Variants in EXOC6B observed in about 807,000 individuals in gnomAD.
EXOC6B encodes the protein SEC15 homolog B.
A neutral mutation model predicts 113.5 loss-of-function variants in EXOC6B; 54 were observed. The observed-to-expected ratio is 0.48, with a 90% confidence interval of 0.38 to 0.60. EXOC6B has a LOEUF of 0.60. Among genes scored for constraint, EXOC6B ranks in the 20% least tolerant of loss-of-function variants. The probability of loss-of-function intolerance (pLI) is 0.00; values close to 1 mark genes in which losing one functional copy is unlikely to be tolerated. For synonymous variants in EXOC6B, 357 were observed against 339.0 expected, an observed-to-expected ratio of 1.05 and a Z score of -0.58; for missense variants, 797 against 977.5, an observed-to-expected ratio of 0.82 and a Z score of 2.46.
rs931682669 is a variant in EXOC6B at position 72,530,542 on chromosome 2, G to A, written c.916-15416C>T. 3.3e-5 allele frequency among the ~76,000 whole-genome samples: 5 copies of A among 152,110 alleles called. No individual in the cohort carries two copies. In the East Asian group the frequency reaches 9.6e-4, roughly 29 times the overall value. ...TGTTTTATGAGTGCTTGAAAAGGATGAGTATTCTACTGATGTTATGTACAG... is the reference window on the plus strand; with the variant it reads ...TGTTTTATGAGTGCTTGAAAAGGATAAGTATTCTACTGATGTTATGTACAG... On this transcript the variant is annotated intron_variant, in intron 8 of 21. Transcript: ENST00000272427.
chr2:72,401,269 C>T (rs1292513383), intron 18 of EXOC6B, among the ~76,000 whole-genome samples: 1 of 150,270 alleles, frequency 6.7e-6, no homozygotes, highest in Non-Finnish European at 1.5e-5. Context: ...TAAGACCAGC[C>T]TGGCCAGTGT....
chr2:72,772,897 C>G (rs1161893819), intron 1 of EXOC6B, among the ~76,000 whole-genome samples: 1 of 151,862 alleles, frequency 6.6e-6, no homozygotes, highest in African/African-American at 2.4e-5. Flanking sequence ...CCATAATCCC[C>G]CCACCCAAGG....
At chr2:72,313,027 T>C (rs1687298325) in intron 20 of EXOC6B, among the ~76,000 whole-genome samples, 1 of 152,158 alleles carries the variant, frequency 6.6e-6, no homozygotes, top group Non-Finnish European at 1.5e-5. Flanking sequence ...TCAGCCACTT[T>C]ATTCTGGTGT....
chr2:72,601,442 C>T (rs1050442565), intron 6 of EXOC6B, among the ~76,000 whole-genome samples: 1 of 152,098 alleles, frequency 6.6e-6, no homozygotes, highest in Non-Finnish European at 1.5e-5. Context: ...GCCTTGGCCT[C>T]CCAAAGTGCT....
At chr2:72,699,908 T>C (rs1362832577) in intron 6 of EXOC6B, among the ~76,000 whole-genome samples, 1 of 152,078 alleles carries the variant, frequency 6.6e-6, no homozygotes, top group African/African-American at 2.4e-5. Flanking sequence ...TCCCTCAGTA[T>C]CCACAAGAGA....
chr2:72,331,999 T>C (rs1261421641), intron 20 of EXOC6B, among the ~76,000 whole-genome samples: 1 of 152,104 alleles, frequency 6.6e-6, no homozygotes, highest in Non-Finnish European at 1.5e-5. Flanking sequence ...TTTAAAATTA[T>C]TCATTAAATT....
At chr2:72,786,771 C>T (rs995589948) in intron 1 of EXOC6B, among the ~76,000 whole-genome samples, 2 of 152,270 alleles carry the variant, frequency 1.3e-5, no homozygotes, top group East Asian at 1.9e-4. Flanking sequence ...TACTGATACA[C>T]TCAGTGCTAA....
chr2:72,618,516 C>T (rs1351280418), intron 6 of EXOC6B, among the ~76,000 whole-genome samples: 1 of 152,160 alleles, frequency 6.6e-6, no homozygotes, highest in South Asian at 2.1e-4. Flanking sequence ...TCATATAGCA[C>T]CCCAAGATTT....
intron 6 of EXOC6B, among the ~76,000 whole-genome samples, chr2:72,594,003 C>T (rs940330420): frequency 6.6e-6 from 1 of 152,116 alleles, no homozygotes; most frequent in Non-Finnish European, 1.5e-5. Flanking sequence ...GTTGTTAAGA[C>T]AGGCTTTTAC....
At chr2:72,385,856 G>A (rs1467376030) in intron 18 of EXOC6B, among the ~76,000 whole-genome samples, 22 of 152,040 alleles carry the variant, frequency 1.4e-4, no homozygotes. Context: ...TAAGACAAAA[G>A]GTAACAAGTG....
rs561717648 is a variant in EXOC6B at position 72,610,249 on chromosome 2, T to C, written c.670-34581A>G. Reference sequence around the variant, plus strand: ...AAAAACTAAAAGTATATACATAGTGTGTATACATAGGTTGGCATAACATAA... The same window carrying C: ...AAAAACTAAAAGTATATACATAGTGCGTATACATAGGTTGGCATAACATAA... On this transcript the variant is annotated intron_variant, in intron 6 of 21. Transcript: ENST00000272427. 3.3e-5 allele frequency among the ~76,000 whole-genome samples: 5 copies of C among 152,304 alleles called. No individual in the cohort carries two copies. In the South Asian group the frequency reaches 8.3e-4, roughly 25 times the overall value.
chr2:72,501,088 C>A (rs923686483), intron 11 of EXOC6B, among the ~76,000 whole-genome samples: 1 of 152,134 alleles, frequency 6.6e-6, no homozygotes, highest in Non-Finnish European at 1.5e-5. Flanking sequence ...TTCAGCTAAT[C>A]TTAATATATG....
At chr2:72,216,674 G>A (rs1680556329) in intron 20 of EXOC6B, among the ~76,000 whole-genome samples, 1 of 152,074 alleles carries the variant, frequency 6.6e-6, no homozygotes, top group Admixed American at 6.6e-5. Context: ...GTGATAGACT[G>A]GATAAAGAAA....
chr2:72,344,973 C>A (rs1399743400), intron 19 of EXOC6B, among the ~76,000 whole-genome samples: 1 of 151,944 alleles, frequency 6.6e-6, no homozygotes, highest in East Asian at 1.9e-4. Flanking sequence ...ATTCAACAAT[C>A]AGAAGACAAT....
intron 16 of EXOC6B, among the ~76,000 whole-genome samples, chr2:72,481,597 A>G (rs1022736283): frequency 2.6e-5 from 4 of 152,248 alleles, no homozygotes; most frequent in Admixed American, 1.3e-4. Context: ...TGGAAGAAAG[A>G]ACATGGGCAT....
intron 18 of EXOC6B, among the ~76,000 whole-genome samples, chr2:72,431,225 T>C (rs1288972495): frequency 3.3e-5 from 5 of 152,210 alleles, no homozygotes; most frequent in African/African-American, 9.6e-5. Context: ...TTACCTAATA[T>C]AGAAACTCTC....
chr2:72,500,104 T>C (rs1460424833), intron 11 of EXOC6B, 132 bp from the exon 12 acceptor site: 3 of 642,856 alleles, frequency 4.7e-6, no homozygotes. Context: ...CTAGAAATAA[T>C]TCAACACTTC....
intron 1 of EXOC6B, among the ~76,000 whole-genome samples, chr2:72,764,512 G>C (rs574766923): frequency 6.6e-6 from 1 of 151,454 alleles, no homozygotes; most frequent in South Asian, 2.1e-4. Context: ...GCTGAGACTA[G>C]AGGCATGTGC....
chr2:72,427,660 G>A (rs538861798), intron 18 of EXOC6B, among the ~76,000 whole-genome samples: 68 of 152,302 alleles, frequency 4.5e-4, no homozygotes, highest in African/African-American at 1.6e-3. Flanking sequence ...GACCCTTGGC[G>A]TGAGCAGCCT....
Sources: gnomAD v4.1 joint callset for allele counts (sites outside exome capture counted in the v4.1 genomes callset) on GRCh38, gnomAD v4.1.1 for gene constraint, MANE v1.5 for transcripts, NCBI Gene and HGNC (gene_info 2026-07-23, HGNC 2026-07-21) for gene names.